The following CACNA2D3 variants were observed in gnomAD, a reference collection of about 807,000 sequenced individuals.
CACNA2D3 encodes voltage-dependent calcium channel subunit alpha-2/delta-3.
Under a neutral mutation model 160.6 loss-of-function variants are expected in CACNA2D3, and 60 were observed. The ratio of observed to expected loss-of-function variants is 0.37; its 90% CI spans 0.30 to 0.46. The LOEUF is 0.46. CACNA2D3 is among the 20% of genes least tolerant of loss of function. The pLI, the probability that CACNA2D3 is intolerant of heterozygous loss-of-function variation, is 1.00. For synonymous variants in CACNA2D3, 558 were observed against 492.9 expected (o/e 1.13, Z -1.75); for missense variants, 1,205 against 1,365.0 (o/e 0.88, Z 1.85).
chr3:55,021,625 G>GTATATATATATA (rs61298986), intron 35 of CACNA2D3, among the ~76,000 whole-genome samples: 6 of 131,498 alleles, frequency 4.6e-5, no homozygotes, highest in African/African-American at 1.7e-4. Flanking sequence ...ATGTGTGTGT[G>GTATATATATATA]TATATATATA....
At chr3:54,336,004 C>CAAAAAAAAA (rs60465412) in intron 3 of CACNA2D3, among the ~76,000 whole-genome samples, 1 of 74,550 alleles carries the variant, frequency 1.3e-5, no homozygotes, top group African/African-American at 5.1e-5. Context: ...GACTCCGTCT[C>CAAAAAAAAA]AAAAAAAAAA....
chr3:54,819,002 A>C (rs1185979835), intron 14 of CACNA2D3, among the ~76,000 whole-genome samples: 2 of 152,138 alleles, frequency 1.3e-5, no homozygotes, highest in African/African-American at 4.8e-5. Context: ...ATCCTCCCAA[A>C]GGCTGCAAGT....
intron 35 of CACNA2D3, among the ~76,000 whole-genome samples, chr3:55,056,195 A>G (rs1015813846): frequency 4.6e-5 from 7 of 152,204 alleles, no homozygotes; most frequent in African/African-American, 1.7e-4. Context: ...CAATAGATCT[A>G]TGAAAAACAT....
intron 11 of CACNA2D3, among the ~76,000 whole-genome samples, chr3:54,643,279 G>C (rs1256078955): frequency 6.6e-6 from 1 of 152,208 alleles, no homozygotes; most frequent in Non-Finnish European, 1.5e-5. Flanking sequence ...CACATACTCT[G>C]AACATGAGAT....
chr3:54,517,993 G>A (rs891184558), intron 5 of CACNA2D3, among the ~76,000 whole-genome samples: 23 of 152,296 alleles, frequency 1.5e-4, no homozygotes, highest in Admixed American at 5.9e-4. Flanking sequence ...TGGGGAAGTC[G>A]TTCTGGGGCT....
chr3:54,400,698 C>A (rs1699443404), intron 4 of CACNA2D3, among the ~76,000 whole-genome samples: 2 of 152,116 alleles, frequency 1.3e-5, no homozygotes, highest in South Asian at 2.1e-4. Context: ...AGCTTAGAGT[C>A]ACCATGCCCT....
chr3:54,736,087 G>GTATATATACATATATATATATA (rs1559563720), intron 11 of CACNA2D3, among the ~76,000 whole-genome samples: 1 of 20,240 alleles, frequency 4.9e-5, no homozygotes, highest in Non-Finnish European at 1.3e-4. Context: ...ATATATGTAT[G>GTATATATACATATATATATATA]TGTATATATA....
chr3:54,657,849 T>A (rs1318671614), intron 11 of CACNA2D3, among the ~76,000 whole-genome samples: 1 of 152,000 alleles, frequency 6.6e-6, no homozygotes, highest in Non-Finnish European at 1.5e-5. Flanking sequence ...GCCAACATGG[T>A]GAAACCCCGT....
At chr3:54,734,681 A>G (rs1222646754) in intron 11 of CACNA2D3, among the ~76,000 whole-genome samples, 2 of 152,230 alleles carry the variant, frequency 1.3e-5, no homozygotes, top group Non-Finnish European at 2.9e-5. Flanking sequence ...TGACTTTGCT[A>G]CATTGTCTTC....
intron 34 of CACNA2D3, among the ~76,000 whole-genome samples, chr3:55,017,356 T>G (rs1236016364): frequency 6.6e-6 from 1 of 152,204 alleles, no homozygotes; most frequent in African/African-American, 2.4e-5. Context: ...CACTATACTA[T>G]AGTGTCTATC....
intron 4 of CACNA2D3, among the ~76,000 whole-genome samples, chr3:54,435,152 C>G (rs1375079233): frequency 1.3e-5 from 2 of 152,086 alleles, no homozygotes; most frequent in Non-Finnish European, 2.9e-5. Flanking sequence ...TTCCACTCTA[C>G]CTAGCATCAA....
At chr3:54,567,059 A>G (rs925264585) in intron 6 of CACNA2D3, among the ~76,000 whole-genome samples, 22 of 152,204 alleles carry the variant, frequency 1.4e-4, no homozygotes, top group East Asian at 9.6e-4. Context: ...AAAGATGATC[A>G]TGGAACACCA....
chr3:54,370,125 A>G (rs1698899123), intron 3 of CACNA2D3, among the ~76,000 whole-genome samples: 1 of 152,198 alleles, frequency 6.6e-6, no homozygotes, highest in South Asian at 2.1e-4. Context: ...GCCTTTCAAA[A>G]TGTTGTTGCA....
intron 3 of CACNA2D3, among the ~76,000 whole-genome samples, chr3:54,353,400 C>T (rs1698597798): frequency 6.6e-6 from 1 of 152,152 alleles, no homozygotes. Context: ...CCTTTGCCCC[C>T]TGCCAGCAGT....
chr3:54,515,463 T>C (rs200304266), intron 5 of CACNA2D3, among the ~76,000 whole-genome samples: 2 of 152,230 alleles, frequency 1.3e-5, no homozygotes, highest in East Asian at 3.9e-4. Context: ...GAAATACGCC[T>C]GCATGTAAAT....
intron 2 of CACNA2D3, among the ~76,000 whole-genome samples, chr3:54,239,927 G>T (rs945316215): frequency 7.9e-5 from 12 of 152,114 alleles, no homozygotes; most frequent in Non-Finnish European, 1.3e-4. Context: ...TTTACACTAG[G>T]CTAGACACTT....
At chr3:54,708,092 A>G (rs142204730) in intron 11 of CACNA2D3, among the ~76,000 whole-genome samples, 212 of 152,310 alleles carry the variant, frequency 1.4e-3, no homozygotes, top group African/African-American at 4.4e-3. Context: ...AGCCAAAGTC[A>G]GAGATGTGGG....
At chr3:54,335,560 C>A (rs1393373649) in intron 3 of CACNA2D3, among the ~76,000 whole-genome samples, 2 of 152,114 alleles carry the variant, frequency 1.3e-5, no homozygotes, top group Non-Finnish European at 2.9e-5. Context: ...GGGTTTTGGC[C>A]AGCTTCTTTA....
At chr3:55,029,247 G>GA (rs1432007682) in intron 35 of CACNA2D3, among the ~76,000 whole-genome samples, 1 of 152,118 alleles carries the variant, frequency 6.6e-6, no homozygotes, top group Non-Finnish European at 1.5e-5. Context: ...TATGGTCTGG[G>GA]CTACCACACT....
Sources: allele counts gnomAD v4.1 joint callset (sites outside exome capture counted in the v4.1 genomes callset), GRCh38; gene constraint gnomAD v4.1.1; transcripts MANE v1.5; gene names NCBI Gene and HGNC (gene_info 2026-07-23, HGNC 2026-07-21).